SEC24D: variants seen among roughly 807,000 people sequenced by gnomAD.
The protein encoded by SEC24D is SEC24 homolog D, COPII component, also known as protein transport protein Sec24D.
A neutral mutation model predicts 116.9 loss-of-function variants in SEC24D; 69 were observed. That is an observed-to-expected ratio of 0.59 (90% confidence interval 0.49 to 0.72). SEC24D has a LOEUF of 0.72. SEC24D is among the 30% of genes least tolerant of loss of function. The pLI is 0.00. For missense variants in SEC24D, 1,131 were observed against 1,264.1 expected (o/e 0.89, Z 1.60); for synonymous variants, 405 against 442.8 (o/e 0.91, Z 1.07).
chr4:118,741,557 A>G (rs563515231), intron 15 of SEC24D, among the ~76,000 whole-genome samples: 5 of 152,326 alleles, frequency 3.3e-5, no homozygotes, highest in Admixed American at 1.3e-4. Context: ...TTTATATAAT[A>G]TGCACATGTG....
chr4:118,731,551 C>T, intron 20 of SEC24D, 44 bp from the exon 21 acceptor site: 1 of 1,518,578 alleles, frequency 6.6e-7, no homozygotes, highest in Non-Finnish European at 9.1e-7. Context: ...CTTTCTTCCC[C>T]TTCCCTTCCC....
chr4:118,824,563 T>C, intron 3 of SEC24D, 57 bp downstream of exon 3: 1 of 1,549,148 alleles, frequency 6.5e-7, no homozygotes, highest in Non-Finnish European at 8.8e-7. Context: ...TTAGAAGGTA[T>C]TTCTGAAATA....
chr4:118,736,089 T>G (rs947051761), intron 19 of SEC24D: 1 of 141,702 alleles, frequency 7.1e-6, no homozygotes, highest in African/African-American at 2.6e-5. Flanking sequence ...CACTGCAACG[T>G]CCACCTCCTG....
chr4:118,816,111 TA>T (rs1438533197), intron 4 of SEC24D, among the ~76,000 whole-genome samples: 6 of 98,640 alleles, frequency 6.1e-5, no homozygotes, highest in African/African-American at 1.0e-4. Context: ...TTTTTTTTTG[TA>T]GAGTTGGGGT....
In SEC24D at chr4:118,790,271, G is replaced by A. The variant is rs185254900; in HGVS notation, c.1041+7412C>T. Among the ~76,000 whole-genome samples the A allele has an allele frequency of 4.9e-3, 750 of 152,308 alleles. 7 individuals carry two copies. Among genetic ancestry groups the A allele is most frequent in the Middle Eastern group, 0.017 (5 of 294 alleles). ...ACAGATATTCCTGAATCTAGTCACA[G>A]ATGGAGTAAAAGCTTCTACCATCTG... On this transcript the variant is annotated intron_variant, in intron 8 of 22. Coordinates refer to ENST00000280551, the MANE Select transcript of SEC24D (RefSeq NM_014822.4).
chr4:118,783,454 A>C lies in SEC24D; in HGVS notation c.1041+14229T>G, dbSNP rs10471011. The stretch of plus-strand genomic sequence containing the variant: ...GAATGTAAGCTCCATGAGGGCAGAG[A>C]TCTTTGTCTGCTCTGTTCACTGACA... On this transcript the variant is annotated intron_variant, in intron 8 of 22. Transcript: ENST00000280551. 9.6e-3 allele frequency among the ~76,000 whole-genome samples: 1,458 copies of C among 152,294 alleles called. 24 individuals are homozygous for C. The highest frequency in any genetic ancestry group is 0.033 in the African/African-American group (1,352 of 41,554).
chr4:118,764,072 G>A (rs563508188), intron 10 of SEC24D, among the ~76,000 whole-genome samples: 3 of 152,266 alleles, frequency 2.0e-5, no homozygotes, highest in African/African-American at 7.2e-5. Context: ...TGAACATCTG[G>A]TATAAAGGCA....
intron 10 of SEC24D, among the ~76,000 whole-genome samples, chr4:118,759,558 C>T (rs1339497463): frequency 6.6e-6 from 1 of 152,186 alleles, no homozygotes; most frequent in Non-Finnish European, 1.5e-5. Flanking sequence ...ACTGAACCAT[C>T]CAGATTGCAA....
chr4:118,754,757 A>T (rs1397138640), intron 11 of SEC24D, among the ~76,000 whole-genome samples: 1 of 152,148 alleles, frequency 6.6e-6, no homozygotes, highest in African/African-American at 2.4e-5. Flanking sequence ...GACACCATGG[A>T]TTGAGCTAAC....
At chr4:118,802,835 A>G (rs1400583019) in intron 7 of SEC24D, among the ~76,000 whole-genome samples, 1 of 152,244 alleles carries the variant, frequency 6.6e-6, no homozygotes, top group Non-Finnish European at 1.5e-5. Context: ...AAAGGTAGAA[A>G]CAACTCAAAT....
chr4:118,794,279 A>G (rs116454007), intron 8 of SEC24D, among the ~76,000 whole-genome samples: 1,754 of 152,348 alleles, frequency 0.012, 20 homozygotes, highest in Non-Finnish European at 0.018. Flanking sequence ...TTAATACTAA[A>G]TGATGATAAC....
intron 19 of SEC24D, among the ~76,000 whole-genome samples, chr4:118,735,307 G>A (rs1725902904): frequency 1.3e-5 from 2 of 152,144 alleles, no homozygotes; most frequent in South Asian, 4.1e-4. Flanking sequence ...ATGTTTTTGA[G>A]GTGAGGAAGA....
intron 15 of SEC24D, among the ~76,000 whole-genome samples, chr4:118,741,991 TTTA>T (rs1726244936): frequency 6.6e-6 from 1 of 152,172 alleles, no homozygotes. Flanking sequence ...TTAACACTCT[TTTA>T]TTATAAAATA....
intron 19 of SEC24D, among the ~76,000 whole-genome samples, chr4:118,737,924 C>T (rs1426901461): frequency 6.6e-6 from 1 of 152,070 alleles, no homozygotes; most frequent in Non-Finnish European, 1.5e-5. Context: ...TGTATTTAAG[C>T]ATACACATTT....
chr4:118,834,587 T>TA (rs199691379), intron 1 of SEC24D, among the ~76,000 whole-genome samples: 4,393 of 149,540 alleles, frequency 0.029, 104 homozygotes, highest in East Asian at 0.12. Context: ...ACTGATGATT[T>TA]AAAAAAAAAA....
At chr4:118,726,695 C>T (rs1359998623) in intron 22 of SEC24D, among the ~76,000 whole-genome samples, 2 of 152,138 alleles carry the variant, frequency 1.3e-5, no homozygotes, top group Non-Finnish European at 2.9e-5. Context: ...ATTTGGAGCA[C>T]AGAGAACTGT....
At position 118,835,956 on chromosome 4, in the gene SEC24D, C is replaced by A. The variant is rs1169927746; in HGVS notation, c.-57G>T. The A allele has an allele frequency of 6.6e-6, 1 of 152,388 alleles. No individual in the cohort carries two copies. The highest frequency in any genetic ancestry group is 2.1e-4 in the South Asian group (1 of 4,830). The allele number at this position is 152,388 out of a possible 1,614,324, so 9.4% of individuals were successfully genotyped here. On this transcript the variant is annotated 5_prime_UTR_variant, in exon 1 of 23. Transcript: ENST00000280551. ...GAGGCTTTACCTGTTCCCGCTCCCG[C>A]ACCCCGCGGGCTTCCGAGCGCTGGC... is the stretch of plus-strand genomic sequence containing the variant.
chr4:118,780,403 G>A (rs1728345408), intron 8 of SEC24D, among the ~76,000 whole-genome samples: 1 of 152,216 alleles, frequency 6.6e-6, no homozygotes, highest in Non-Finnish European at 1.5e-5. Flanking sequence ...CCATGTAGTT[G>A]TGCGGTTTTT....
intron 6 of SEC24D, 124 bp downstream of exon 6, chr4:118,814,902 CTA>C: frequency 1.9e-6 from 2 of 1,047,434 alleles, no homozygotes; most frequent in Non-Finnish European, 2.8e-6. Flanking sequence ...AGCCTTCCCT[CTA>C]TGTGATGAGT....
Sources: allele counts gnomAD v4.1 joint callset (sites outside exome capture counted in the v4.1 genomes callset), GRCh38; gene constraint gnomAD v4.1.1; transcripts MANE v1.5; gene names NCBI Gene and HGNC (gene_info 2026-07-23, HGNC 2026-07-21).